RBM39: variants seen among roughly 807,000 people sequenced by gnomAD.
RBM39 encodes RNA binding motif protein 39, also known as RNA-binding protein 39.
In RBM39, 12 loss-of-function variants were observed where a neutral mutation model predicts 79.6. The observed-to-expected ratio is 0.15, with a 90% confidence interval of 0.10 to 0.24. The LOEUF is 0.24. RBM39 is among the 10% of genes least tolerant of loss of function. The pLI, the probability that RBM39 is intolerant of heterozygous loss-of-function variation, is 1.00. For synonymous variants in RBM39, 185 were observed against 208.4 expected, an observed-to-expected ratio of 0.89 and a Z score of 0.97; for missense variants, 243 against 653.4, an observed-to-expected ratio of 0.37 and a Z score of 6.85.
intron 3 of RBM39, among the ~76,000 whole-genome samples, chr20:35,735,725 CA>C (rs1336225711): frequency 3.3e-5 from 5 of 152,166 alleles, no homozygotes; most frequent in Admixed American, 6.5e-5. Flanking sequence ...CCTGATTGAA[CA>C]AGGGAATCAT....
At chr20:35,724,831 A>C (rs2038456327) in intron 7 of RBM39, 109 bp from the exon 8 acceptor site, 1 of 1,335,126 alleles carries the variant, frequency 7.5e-7, no homozygotes, top group Admixed American at 2.3e-5. Flanking sequence ...TTAATTAAAA[A>C]AGTAAATCTG....
intron 4 of RBM39, 73 bp downstream of exon 4, chr20:35,731,868 C>A (rs934742735): frequency 1.5e-6 from 2 of 1,310,014 alleles, no homozygotes; most frequent in Admixed American, 2.0e-5. Context: ...CAATTCAAAT[C>A]ACTCAAGTTA....
At chr20:35,727,226 A>G (rs1287902827) in intron 6 of RBM39, among the ~76,000 whole-genome samples, 2 of 151,918 alleles carry the variant, frequency 1.3e-5, no homozygotes, top group African/African-American at 4.8e-5. Context: ...GGCTGCACCT[A>G]TAGTCCCAGC....
At position 35,732,140 on chromosome 20, in the gene RBM39, G is replaced by A. The variant is rs765610855; in HGVS notation, c.102-5C>T. ...CTGCTCTTGCTTTTTTTCCTCCTGA[G>A]AAGAAAAAAACTCGCCATTATCATG... is the stretch of plus-strand genomic sequence containing the variant. On this transcript the variant is annotated splice_region_variant and splice_polypyrimidine_tract_variant and intron_variant, in intron 3 of 16. Coordinates refer to ENST00000253363, the MANE Select transcript of RBM39 (RefSeq NM_184234.3). The A allele has an allele frequency of 6.2e-7, 1 of 1,613,062 alleles. No homozygotes were observed. Among genetic ancestry groups the A allele is most frequent in the Non-Finnish European group, 8.5e-7 (1 of 1,179,820 alleles).
At chr20:35,719,073 A>T (rs2037556907) in intron 9 of RBM39, among the ~76,000 whole-genome samples, 1 of 152,194 alleles carries the variant, frequency 6.6e-6, no homozygotes, top group Non-Finnish European at 1.5e-5. Context: ...GTTCTGGGGC[A>T]AAGGTAAGCA....
At chr20:35,727,962 A>G (rs2038941856) in intron 6 of RBM39, among the ~76,000 whole-genome samples, 1 of 151,448 alleles carries the variant, frequency 6.6e-6, no homozygotes, top group Non-Finnish European at 1.5e-5. Flanking sequence ...TAATTTTTGT[A>G]GTTTTAGTAG....
chr20:35,718,546 T>A (rs1485668195), intron 9 of RBM39, among the ~76,000 whole-genome samples: 1 of 151,866 alleles, frequency 6.6e-6, no homozygotes, highest in Non-Finnish European at 1.5e-5. Context: ...GCTCCGTGAC[T>A]CATGCCTGTA....
intron 12 of RBM39, 31 bp downstream of exon 12, chr20:35,712,988 G>A (rs369278857): frequency 3.1e-5 from 48 of 1,569,616 alleles, no homozygotes; most frequent in Middle Eastern, 1.7e-4. Flanking sequence ...ATGAAAAAAC[G>A]ATTTAAAATT....
intron 3 of RBM39, 110 bp downstream of exon 3, chr20:35,738,858 G>C: frequency 2.1e-6 from 2 of 959,984 alleles, no homozygotes; most frequent in Non-Finnish European, 1.6e-6. Flanking sequence ...AAGCAGCAAA[G>C]AAAAGCTTCA....
chr20:35,721,893 C>T lies in RBM39; in HGVS notation c.688-16G>A, dbSNP rs1350305987. 1 of 1,610,810 alleles carries T rather than the reference C, an allele frequency of 6.2e-7. No individual in the cohort carries two copies. Among genetic ancestry groups the T allele is most frequent in the South Asian group, 1.1e-5 (1 of 91,008 alleles). On this transcript the variant is annotated splice_polypyrimidine_tract_variant and intron_variant, in intron 8 of 16. Coordinates refer to ENST00000253363, the MANE Select transcript of RBM39 (RefSeq NM_184234.3). ...TTTTTTCTGCCTAGAAGACAAAATA[C>T]ACGTCACACAGAGATAACACACAGC... is the stretch of plus-strand genomic sequence containing the variant.
intron 3 of RBM39, chr20:35,735,121 A>C (rs1218709012): frequency 6.8e-7 from 1 of 1,473,596 alleles, no homozygotes; most frequent in East Asian, 2.4e-5. Context: ...CATTTATTCC[A>C]AAATTTATAG....
chr20:35,739,324 T>G, intron 2 of RBM39: 1 of 457,116 alleles, frequency 2.2e-6, no homozygotes, highest in Non-Finnish European at 4.4e-6. Context: ...TGGTTAAATA[T>G]AATTTCCATA....
chr20:35,706,364 T>C (rs1011587892), intron 14 of RBM39, among the ~76,000 whole-genome samples: 2 of 152,168 alleles, frequency 1.3e-5, no homozygotes, highest in African/African-American at 2.4e-5. Flanking sequence ...TTCAATGCTA[T>C]CAAATGATAC....
chr20:35,731,833 C>T, intron 4 of RBM39, 108 bp downstream of exon 4: 2 of 1,016,454 alleles, frequency 2.0e-6, no homozygotes, highest in Non-Finnish European at 3.0e-6. Flanking sequence ...ACTTTTTAAC[C>T]AATCATTAAA....
intron 13 of RBM39, 186 bp downstream of exon 13, chr20:35,709,038 C>A: frequency 1.8e-5 from 8 of 451,960 alleles, no homozygotes; most frequent in Non-Finnish European, 2.3e-5. Flanking sequence ...TTTTTAAGTC[C>A]ATTAATTTGG....
At chr20:35,719,711 CTA>C (rs2037660609) in intron 9 of RBM39, among the ~76,000 whole-genome samples, 1 of 152,096 alleles carries the variant, frequency 6.6e-6, no homozygotes, top group African/African-American at 2.4e-5. Flanking sequence ...AAATCAGACT[CTA>C]GAGTAATAAA....
intron 6 of RBM39, among the ~76,000 whole-genome samples, chr20:35,727,554 C>T (rs902041420): frequency 6.6e-6 from 1 of 152,046 alleles, no homozygotes; most frequent in Non-Finnish European, 1.5e-5. Flanking sequence ...CAGCTTACTG[C>T]AACCCTTGCC....
intron 4 of RBM39, among the ~76,000 whole-genome samples, chr20:35,729,868 A>G (rs1000776199): frequency 1.3e-5 from 2 of 151,662 alleles, no homozygotes; most frequent in Non-Finnish European, 2.9e-5. Flanking sequence ...ACACACACAC[A>G]TATATAAAAA....
chr20:35,722,409 AAAAAATAAAAAT>A lies in RBM39; in HGVS notation c.688-544_688-533del, dbSNP rs1358649160. 1.3e-3 allele frequency among the ~76,000 whole-genome samples: 176 copies of A among 135,560 alleles called. 1 individual carries two copies. Among genetic ancestry groups the A allele is most frequent in the African/African-American group, 5.2e-3 (171 of 32,714 alleles). 88.9% of individuals were successfully genotyped at this position (135,560 alleles called of 152,430 possible). A position where few individuals can be genotyped will look rare whatever the true frequency, so the allele number is the denominator to read the frequency against. ...GTGACAGAGTGAGACTCAGTCTCAA[AAAAAATAAAAAT>A]AAAAAAAAAAATAAAAATAAAAAGT... On this transcript the variant is annotated intron_variant, in intron 8 of 16. Coordinates refer to ENST00000253363, the MANE Select transcript of RBM39 (RefSeq NM_184234.3).
Sources: gnomAD v4.1 joint callset for allele counts (sites outside exome capture counted in the v4.1 genomes callset) on GRCh38, gnomAD v4.1.1 for gene constraint, MANE v1.5 for transcripts, NCBI Gene and HGNC (gene_info 2026-07-23, HGNC 2026-07-21) for gene names.